Variants in TRAPPC8 observed in about 807,000 individuals in gnomAD.
The protein encoded by TRAPPC8 is trafficking protein particle complex subunit 8.
In TRAPPC8, 54 loss-of-function variants were observed where a neutral mutation model predicts 174.3. The observed-to-expected ratio is 0.31, with a 90% CI of 0.25 to 0.39. TRAPPC8 has a LOEUF of 0.39. Among genes scored for constraint, TRAPPC8 ranks in the 10% least tolerant of loss-of-function variants. The probability of loss-of-function intolerance (pLI) is 1.00; values close to 1 mark genes in which losing one functional copy is unlikely to be tolerated. For missense variants in TRAPPC8, 1,531 were observed against 1,699.1 expected, an observed-to-expected ratio of 0.90 and a Z score of 1.74; for synonymous variants, 630 against 579.9, an observed-to-expected ratio of 1.09 and a Z score of -1.24.
chr18:31,851,948 A>C (rs1250638487), intron 24 of TRAPPC8, among the ~76,000 whole-genome samples: 1 of 152,222 alleles, frequency 6.6e-6, no homozygotes, highest in East Asian at 1.9e-4. Flanking sequence ...TTAAATAACT[A>C]CTTAAAATGG....
chr18:31,935,412 C>A (rs2038045406), intron 1 of TRAPPC8, among the ~76,000 whole-genome samples: 1 of 145,992 alleles, frequency 6.8e-6, no homozygotes, highest in Non-Finnish European at 1.5e-5. Context: ...CAGGCTGGAG[C>A]CGCTGCACCC....
intron 12 of TRAPPC8, among the ~76,000 whole-genome samples, chr18:31,887,757 G>A (rs915918704): frequency 1.3e-5 from 2 of 149,542 alleles, no homozygotes; most frequent in African/African-American, 5.1e-5. Flanking sequence ...CACAAGACAA[G>A]GATGCCCTCT....
At chr18:31,885,846 G>T (rs2035682754) in intron 12 of TRAPPC8, among the ~76,000 whole-genome samples, 1 of 151,156 alleles carries the variant, frequency 6.6e-6, no homozygotes, top group Non-Finnish European at 1.5e-5. Context: ...GGCAACAAGA[G>T]CAAAACTCCA....
rs144873506 is a variant in TRAPPC8 at position 31,900,263 on chromosome 18, A to G, written c.1490+662T>C. ...AAAACCAGAAACAAAAAAATAATAC[A>G]TGACAGTAAAGGTTCCTCACACAGA... On this transcript the variant is annotated intron_variant, in intron 10 of 28. Coordinates refer to ENST00000283351, the MANE Select transcript of TRAPPC8 (RefSeq NM_014939.5). Among the ~76,000 whole-genome samples the G allele has an allele frequency of 2.3e-3, 343 of 152,248 alleles. 1 individual carries two copies. The highest frequency in any genetic ancestry group is 0.02 in the Middle Eastern group (6 of 294).
intron 27 of TRAPPC8, among the ~76,000 whole-genome samples, chr18:31,834,814 C>T (rs1330468317): frequency 6.6e-6 from 1 of 152,190 alleles, no homozygotes; most frequent in Non-Finnish European, 1.5e-5. Flanking sequence ...CTGTGTCCCA[C>T]TACCATGACC....
intron 12 of TRAPPC8, among the ~76,000 whole-genome samples, chr18:31,883,931 G>A (rs1441792951): frequency 2.0e-5 from 3 of 152,200 alleles, no homozygotes; most frequent in Non-Finnish European, 4.4e-5. Flanking sequence ...ACTTACACCT[G>A]TAATCCTAGC....
chr18:31,903,992 T>C (rs2036553906), intron 9 of TRAPPC8, among the ~76,000 whole-genome samples: 1 of 152,194 alleles, frequency 6.6e-6, no homozygotes, highest in African/African-American at 2.4e-5. Context: ...CCCCAGCACT[T>C]TGGGAGGCCA....
chr18:31,874,304 T>G (rs2035033554), intron 13 of TRAPPC8, 176 bp downstream of exon 13: 1 of 590,848 alleles, frequency 1.7e-6, no homozygotes, highest in Admixed American at 3.1e-5. Flanking sequence ...TCAAGAACTG[T>G]GGAAGGGGCA....
At chr18:31,858,292 G>A (rs1379917831) in intron 19 of TRAPPC8, among the ~76,000 whole-genome samples, 2 of 152,160 alleles carry the variant, frequency 1.3e-5, no homozygotes, top group Non-Finnish European at 2.9e-5. Flanking sequence ...AAAGTTGAAA[G>A]TAATTTAACA....
intron 2 of TRAPPC8, among the ~76,000 whole-genome samples, chr18:31,929,584 G>A (rs950733117): frequency 2.0e-5 from 3 of 151,886 alleles, no homozygotes; most frequent in African/African-American, 7.3e-5. Flanking sequence ...AGGATCACCT[G>A]AGCCCAGGGA....
chr18:31,864,883 A>G, intron 18 of TRAPPC8, 102 bp from the exon 19 acceptor site: 1 of 1,107,840 alleles, frequency 9.0e-7, no homozygotes, highest in South Asian at 1.8e-5. Context: ...TTATTTCTAG[A>G]AAAATTCTAG....
chr18:31,853,808 AAGTTTCAAAATTTATT>A (rs2033844862), intron 22 of TRAPPC8, 25 bp downstream of exon 22: 1 of 1,465,540 alleles, frequency 6.8e-7, no homozygotes, highest in Non-Finnish European at 9.3e-7. Context: ...CCAAGTAATG[AAGTTTCAAAATTTATT>A]ATGTAGCAGG....
intron 16 of TRAPPC8, among the ~76,000 whole-genome samples, chr18:31,869,733 T>C (rs1001531673): frequency 2.0e-5 from 3 of 152,022 alleles, no homozygotes; most frequent in African/African-American, 7.2e-5. Flanking sequence ...CAACACAGAA[T>C]GTAAAAAGCA....
At chr18:31,938,222 G>A (rs933622086) in intron 1 of TRAPPC8, among the ~76,000 whole-genome samples, 1 of 151,748 alleles carries the variant, frequency 6.6e-6, no homozygotes, top group Non-Finnish European at 1.5e-5. Context: ...TTAATACCAC[G>A]ACTCTTTGAA....
intron 22 of TRAPPC8, among the ~76,000 whole-genome samples, chr18:31,853,242 T>C (rs1225192142): frequency 1.3e-5 from 2 of 152,108 alleles, no homozygotes; most frequent in African/African-American, 4.8e-5. Flanking sequence ...TATTCTAGTC[T>C]ATATATTTTT....
chr18:31,908,249 C>A, intron 8 of TRAPPC8, 54 bp downstream of exon 8: 2 of 1,073,020 alleles, frequency 1.9e-6, no homozygotes, highest in Non-Finnish European at 1.3e-6. Flanking sequence ...TACAATCAAA[C>A]ACTAGTCAGA....
At chr18:31,896,015 AGAAGGCAACACGGTTCCCT>A (rs1321615799) in intron 11 of TRAPPC8, 1 of 152,262 alleles carries the variant, frequency 6.6e-6, no homozygotes, top group East Asian at 1.9e-4. Flanking sequence ...GAATAAAAAC[AGAAGGCAACACGGTTCCCT>A]GCCCTCAAGA....
intron 24 of TRAPPC8, among the ~76,000 whole-genome samples, chr18:31,851,469 T>C (rs2033698446): frequency 6.6e-6 from 1 of 152,090 alleles, no homozygotes; most frequent in South Asian, 2.1e-4. Context: ...ATAATTTACA[T>C]TGGACACATT....
intron 12 of TRAPPC8, among the ~76,000 whole-genome samples, chr18:31,889,523 C>A (rs942756694): frequency 6.6e-6 from 1 of 152,148 alleles, no homozygotes; most frequent in African/African-American, 2.4e-5. Context: ...ATTTTTTGAA[C>A]AGAAACCTTT....
Sources: allele counts gnomAD v4.1 joint callset (sites outside exome capture counted in the v4.1 genomes callset), GRCh38; gene constraint gnomAD v4.1.1; transcripts MANE v1.5; gene names NCBI Gene and HGNC (gene_info 2026-07-23, HGNC 2026-07-21).